BBX: variants seen among roughly 807,000 people sequenced by gnomAD.
The protein encoded by BBX is BBX high mobility group box domain containing, also known as HMG box transcription factor BBX.
BBX carries 30 observed loss-of-function variants against 100.2 expected under a neutral mutation model. That is an observed-to-expected ratio of 0.30 (90% CI 0.22 to 0.41). The LOEUF (loss-of-function observed/expected upper bound fraction) is 0.41. BBX is among the 10% of genes least tolerant of loss of function. The probability of loss-of-function intolerance (pLI) is 1.00; values close to 1 mark genes in which losing one functional copy is unlikely to be tolerated. For missense variants in BBX, 1,023 were observed against 1,129.8 expected (o/e 0.91, Z 1.35); for synonymous variants, 376 against 388.1 (o/e 0.97, Z 0.37).
chr3:107,540,299 G>A (rs927450580), intron 2 of BBX, among the ~76,000 whole-genome samples: 5 of 152,212 alleles, frequency 3.3e-5, no homozygotes, highest in Non-Finnish European at 5.9e-5. Flanking sequence ...TCTGAGGAAT[G>A]GCTTTGGTAA....
chr3:107,667,943 T>G (rs1407190757), intron 3 of BBX, among the ~76,000 whole-genome samples: 1 of 152,172 alleles, frequency 6.6e-6, no homozygotes, highest in Non-Finnish European at 1.5e-5. Context: ...GAAAAAGAAG[T>G]GAGCAATGAA....
intron 9 of BBX, among the ~76,000 whole-genome samples, chr3:107,755,149 A>G (rs1228805258): frequency 6.6e-6 from 1 of 152,222 alleles, no homozygotes. Context: ...GGCCTTGCAC[A>G]TATATATTGG....
chr3:107,601,813 A>G (rs982581866), intron 2 of BBX, among the ~76,000 whole-genome samples: 1 of 152,256 alleles, frequency 6.6e-6, no homozygotes, highest in African/African-American at 2.4e-5. Context: ...CATATTTTCA[A>G]TGTGGACAAA....
At chr3:107,794,390 C>T (rs1474096124) in intron 15 of BBX, among the ~76,000 whole-genome samples, 2 of 151,904 alleles carry the variant, frequency 1.3e-5, no homozygotes, top group Non-Finnish European at 2.9e-5. Flanking sequence ...AGACTTTTAA[C>T]CCTCATTTGG....
At position 107,806,177 on chromosome 3, in the gene BBX, TA is replaced by T. The variant is rs2071059878; in HGVS notation, c.*721del. ...ACTCTTACAATCTGAATTTTTTTCT[TA>T]GCCTTGAGTGACCAAGAAGAATTTG... On this transcript the variant is annotated 3_prime_UTR_variant, in exon 18 of 18. Coordinates refer to ENST00000325805, the MANE Select transcript of BBX (RefSeq NM_001142568.3). 6.6e-6 allele frequency: 1 copy of T among 152,038 alleles called. No homozygotes were observed. Among genetic ancestry groups the T allele is most frequent in the Non-Finnish European group, 1.5e-5 (1 of 68,004 alleles). 9.4% of individuals were successfully genotyped at this position (152,038 alleles called of 1,614,324 possible).
intron 3 of BBX, among the ~76,000 whole-genome samples, chr3:107,691,608 T>C (rs975583328): frequency 3.3e-5 from 5 of 152,366 alleles, no homozygotes; most frequent in African/African-American, 1.2e-4. Flanking sequence ...ACTAGTTATA[T>C]AGAAATTAAT....
chr3:107,603,737 C>T (rs963425511), intron 2 of BBX, among the ~76,000 whole-genome samples: 1 of 152,128 alleles, frequency 6.6e-6, no homozygotes, highest in Non-Finnish European at 1.5e-5. Flanking sequence ...CAACCACCAC[C>T]TTGATCTGTC....
intron 11 of BBX, among the ~76,000 whole-genome samples, 195 bp from the exon 12 acceptor site, chr3:107,774,524 C>T (rs1287450489): frequency 6.6e-6 from 1 of 152,288 alleles, no homozygotes; most frequent in East Asian, 1.9e-4. Flanking sequence ...ATCCCAGAAG[C>T]TCTAAGTCAC....
intron 3 of BBX, among the ~76,000 whole-genome samples, chr3:107,663,958 AC>A (rs1433676761): frequency 2.6e-5 from 4 of 151,642 alleles, no homozygotes; most frequent in African/African-American, 7.3e-5. Context: ...GGCACCTGCC[AC>A]TGTGCCCAGC....
At chr3:107,761,359 G>A (rs1478811887) in intron 10 of BBX, among the ~76,000 whole-genome samples, 1 of 152,182 alleles carries the variant, frequency 6.6e-6, no homozygotes, top group Non-Finnish European at 1.5e-5. Flanking sequence ...GAAGATTTGG[G>A]ACGGTGTTAC....
chr3:107,620,602 C>G (rs1033734535), intron 2 of BBX, among the ~76,000 whole-genome samples: 1 of 152,190 alleles, frequency 6.6e-6, no homozygotes, highest in Non-Finnish European at 1.5e-5. Flanking sequence ...AGGTTCTCAC[C>G]TGTCCTCCAT....
At chr3:107,655,509 TA>T (rs1179883449) in intron 3 of BBX, among the ~76,000 whole-genome samples, 6 of 125,610 alleles carry the variant, frequency 4.8e-5, no homozygotes, top group African/African-American at 5.7e-5. Flanking sequence ...GTATGATAAT[TA>T]ATTTTTTTTT....
chr3:107,726,829 G>A (rs2062980910), intron 5 of BBX, among the ~76,000 whole-genome samples: 1 of 152,052 alleles, frequency 6.6e-6, no homozygotes, highest in African/African-American at 2.4e-5. Context: ...CCCAATGTCT[G>A]GCAAGTTTCT....
intron 2 of BBX, among the ~76,000 whole-genome samples, chr3:107,627,973 G>A (rs2056306105): frequency 1.3e-5 from 2 of 151,886 alleles, no homozygotes; most frequent in South Asian, 4.2e-4. Context: ...ACTGGAAAAT[G>A]TCCATCATTT....
chr3:107,625,923 G>A (rs1018998132), intron 2 of BBX, among the ~76,000 whole-genome samples: 2 of 151,768 alleles, frequency 1.3e-5, no homozygotes, highest in Non-Finnish European at 2.9e-5. Flanking sequence ...TTTTTTCATG[G>A]GGTACATAGT....
At chr3:107,556,908 AT>A (rs1260760077) in intron 2 of BBX, among the ~76,000 whole-genome samples, 1 of 152,160 alleles carries the variant, frequency 6.6e-6, no homozygotes, top group Admixed American at 6.5e-5. Flanking sequence ...CATAGCCCAA[AT>A]TTTGTTGCCA....
At chr3:107,796,417 G>A (rs2069678494) in intron 15 of BBX, among the ~76,000 whole-genome samples, 1 of 152,202 alleles carries the variant, frequency 6.6e-6, no homozygotes, top group Non-Finnish European at 1.5e-5. Context: ...AAGTAGAAAA[G>A]GGAAGAGGTT....
chr3:107,664,545 C>A (rs939495962), intron 3 of BBX, among the ~76,000 whole-genome samples: 1 of 152,138 alleles, frequency 6.6e-6, no homozygotes, highest in Non-Finnish European at 1.5e-5. Context: ...GTTAGTTTTA[C>A]TCTTTGTGGA....
At chr3:107,793,886 A>T (rs942584711) in intron 15 of BBX, among the ~76,000 whole-genome samples, 1 of 152,086 alleles carries the variant, frequency 6.6e-6, no homozygotes, top group African/African-American at 2.4e-5. Flanking sequence ...AAATATTTAG[A>T]TGCTTAGTAA....
Sources: gnomAD v4.1 joint callset for allele counts (sites outside exome capture counted in the v4.1 genomes callset) on GRCh38, gnomAD v4.1.1 for gene constraint, MANE v1.5 for transcripts, NCBI Gene and HGNC (gene_info 2026-07-23, HGNC 2026-07-21) for gene names.